The following FAT1 variants were observed in gnomAD, a reference collection of about 807,000 sequenced individuals.
FAT1 encodes FAT atypical cadherin 1.
A neutral mutation model predicts 329.8 loss-of-function variants in FAT1; 171 were observed. The observed-to-expected ratio is 0.52, with a 90% CI of 0.46 to 0.59. FAT1 has a LOEUF of 0.59. Among genes scored for constraint, FAT1 ranks in the 20% least tolerant of loss-of-function variants. The pLI is 0.00. For missense variants in FAT1, 5,672 were observed against 5,774.4 expected, an observed-to-expected ratio of 0.98 and a Z score of 0.57; for synonymous variants, 2,233 against 2,228.6, an observed-to-expected ratio of 1.00 and a Z score of -0.06.
rs188649049 is a variant in FAT1 at position 186,596,041 on chromosome 4, T to C, written c.13001-215A>G. Among the ~76,000 whole-genome samples, 2 of 152,242 alleles carry C rather than the reference T, an allele frequency of 1.3e-5. No individual in the cohort carries two copies. The highest frequency in any genetic ancestry group is 2.9e-5 in the Non-Finnish European group (2 of 68,012). On this transcript the variant is annotated intron_variant, in intron 25 of 26. Coordinates refer to ENST00000441802, the MANE Select transcript of FAT1 (RefSeq NM_005245.4). The surrounding 1 kb of genome is among the most constrained non-coding windows in gnomAD (Gnocchi z 4.7). Reference sequence around the variant, plus strand: ...TCCACATCATCTTAGAGATTATTCATAGAGTAGAAATCGCCCATAAGCATG... The same window carrying C: ...TCCACATCATCTTAGAGATTATTCACAGAGTAGAAATCGCCCATAAGCATG...
In FAT1 at chr4:186,699,184, T is replaced by C. The variant is rs1391169970; in HGVS notation, c.3265+7379A>G. Among the ~76,000 whole-genome samples the C allele has an allele frequency of 1.3e-5, 2 of 152,172 alleles. 1 individual carries two copies. Among genetic ancestry groups the C allele is most frequent in the Middle Eastern group, 6.3e-3 (2 of 316 alleles). On this transcript the variant is annotated intron_variant, in intron 2 of 26. Transcript: ENST00000441802. ...TGATGATGATTAAGAAGAAAAAGCTTACCTGTGATAAGAATATGGTTAAAT... is the reference window on the plus strand; with the variant it reads ...TGATGATGATTAAGAAGAAAAAGCTCACCTGTGATAAGAATATGGTTAAAT...
rs2126697675 is a variant in FAT1 at position 186,708,602 on chromosome 4, G to C, written c.1226C>G (p.Ala409Gly). ...AGTGTTGTAATTTAAACTGAATTTA[G>C]CTTTTCCAGGTGTACTTTTAAAAAC... is the stretch of plus-strand genomic sequence containing the variant. ...RYVFKSTPGK[A>G]KFSLNYNTGL... The change falls in exon 2 of 27, where the codon GCT (alanine) becomes GGT (glycine). Residue 409 changes from alanine (A) to glycine (G), a missense_variant. By Grantham distance (60) the Ala-to-Gly change is moderately conservative. Transcript: ENST00000441802. The C allele has an allele frequency of 6.2e-7, 1 of 1,613,966 alleles. No individual in the cohort carries two copies. The highest frequency in any genetic ancestry group is 1.6e-4 in the Middle Eastern group (1 of 6,062).
In FAT1 at chr4:186,709,710, T is replaced by C. The variant is rs1331699793; in HGVS notation, c.118A>G (p.Asn40Asp). The C allele has an allele frequency of 1.2e-6, 2 of 1,613,852 alleles. No individual in the cohort carries two copies. Among genetic ancestry groups the C allele is most frequent in the Non-Finnish European group, 1.7e-6 (2 of 1,179,884 alleles). Reference sequence around the variant, plus strand: ...GCAGAGTTCTCCTGCACGGTGACGTTGTACTCGAGGTGTGTAAACTGCAGA... The same window carrying C: ...GCAGAGTTCTCCTGCACGGTGACGTCGTACTCGAGGTGTGTAAACTGCAGA... ...TPLQFTHLEY[N>D]VTVQENSAAK... Residue 40 changes from asparagine to aspartate, a missense_variant, in exon 2 of 27, where the codon AAC (asparagine) becomes GAC (aspartate). Around this residue, in one of 2 missense-constraint regions of FAT1, gnomAD observed 3,966 missense variants for 3,915.2 expected, o/e 1.01. Coordinates refer to ENST00000441802, the MANE Select transcript of FAT1 (RefSeq NM_005245.4).
chr4:186,647,334 A>G (rs548587889), intron 3 of FAT1, among the ~76,000 whole-genome samples: 1 of 152,316 alleles, frequency 6.6e-6, no homozygotes, highest in Non-Finnish European at 1.5e-5. Flanking sequence ...GAAGGGAGCT[A>G]CCAATACACA....
chr4:186,709,328 C>T lies in FAT1; in HGVS notation c.500G>A (p.Ser167Asn), dbSNP rs2126703350. Residue 167 changes from serine to asparagine, a missense_variant, in exon 2 of 27, where the codon AGT becomes AAT. This residue lies in a region of FAT1 where 3,966 missense variants were observed against 3,915.2 expected (regional missense o/e 1.01). Transcript: ENST00000441802. ...SLPENTAIRT[S>N]IARVSATDAD... Reference sequence around the variant, plus strand: ...ATCCGTGGCGCTGACTCTTGCGATACTGGTCCTTATAGCTGTGTTTTCAGG... The same window carrying T: ...ATCCGTGGCGCTGACTCTTGCGATATTGGTCCTTATAGCTGTGTTTTCAGG... The T allele has an allele frequency of 6.2e-7, 1 of 1,613,986 alleles. No individual in the cohort carries two copies. The highest frequency in any genetic ancestry group is 2.2e-5 in the East Asian group (1 of 44,878).
rs1488477275 is a variant in FAT1, at chr4:186,709,503, T to G, written c.325A>C (p.Asn109His). 1 of 1,614,036 alleles carries G rather than the reference T, an allele frequency of 6.2e-7. No homozygotes were observed. Among genetic ancestry groups the G allele is most frequent in the Non-Finnish European group, 8.5e-7 (1 of 1,179,886 alleles). ...GTGTAGTGATCCTTCACTTCTCTATTAAGAATAGCTGTATTTCCTCCTTTG... is the reference window on the plus strand; with the variant it reads ...GTGTAGTGATCCTTCACTTCTCTATGAAGAATAGCTGTATTTCCTCCTTTG... ...RTKGGNTAILNREVKDHYTLI... is the reference protein window; with the variant it reads ...RTKGGNTAILHREVKDHYTLI... The change falls in exon 2 of 27, where the codon AAT becomes CAT. Residue 109 changes from asparagine to histidine, a missense_variant. Coordinates refer to ENST00000441802, the MANE Select transcript of FAT1 (RefSeq NM_005245.4).
intron 2 of FAT1, among the ~76,000 whole-genome samples, chr4:186,684,251 T>C (rs981453477): frequency 1.5e-4 from 23 of 152,212 alleles, no homozygotes; most frequent in Non-Finnish European, 3.1e-4. Context: ...TCTCTTGTTG[T>C]TTAATCGTCT....
At chr4:186,709,964 G>T in intron 1 of FAT1, 119 bp from the exon 2 acceptor site, 1 of 893,030 alleles carries the variant, frequency 1.1e-6, no homozygotes, top group South Asian at 2.1e-5. Context: ...ATAAATAAAT[G>T]CAACGGTTTG....
At chr4:186,700,928 G>A (rs75804365) in intron 2 of FAT1, among the ~76,000 whole-genome samples, 2,430 of 152,222 alleles carry the variant, frequency 0.016, 85 homozygotes, top group East Asian at 0.091. Context: ...CCTGTCTGAC[G>A]TAAGCTGTTT....
At chr4:186,713,686 C>T (rs978826723) in intron 1 of FAT1, among the ~76,000 whole-genome samples, 3 of 152,118 alleles carry the variant, frequency 2.0e-5, no homozygotes, top group Non-Finnish European at 4.4e-5. Context: ...GACAGAGTCT[C>T]GCTCTCTCAC....
chr4:186,724,879 G>A (rs139582615), upstream of FAT1, among the ~76,000 whole-genome samples: 296 of 152,370 alleles, frequency 1.9e-3, 1 homozygote, highest in African/African-American at 6.5e-3. This position sits in a 1 kb window ranked among gnomAD's most constrained non-coding sequence, Gnocchi z 5.3. Flanking sequence ...GACTGGTGAG[G>A]GGAGCTTGGC....
rs991643406 is a variant in FAT1, at chr4:186,610,107, T to C, written c.9854-92A>G. ...ATAGATGAATGCTTTTGAGTACATT[T>C]AGTTTTCACTTCAAAAGTTTACTTA... On this transcript the variant is annotated intron_variant, in intron 14 of 26. Coordinates refer to ENST00000441802, the MANE Select transcript of FAT1 (RefSeq NM_005245.4). 13 of 716,338 alleles carry C rather than the reference T, an allele frequency of 1.8e-5. No homozygotes were observed. In the African/African-American group the frequency reaches 2.3e-4, roughly 13 times the overall value. The allele number at this position is 716,338 out of a possible 1,614,324, so 44.4% of individuals were successfully genotyped here. A position where few individuals can be genotyped will look rare whatever the true frequency, so the allele number is the denominator to read the frequency against.
intron 2 of FAT1, among the ~76,000 whole-genome samples, chr4:186,667,085 C>G (rs972626244): frequency 1.3e-5 from 2 of 152,210 alleles, no homozygotes; most frequent in African/African-American, 4.8e-5. Flanking sequence ...CAATAGCTTT[C>G]TCTAATCTCA....
chr4:186,684,323 GCA>G (rs1164524875), intron 2 of FAT1, among the ~76,000 whole-genome samples: 1 of 152,114 alleles, frequency 6.6e-6, no homozygotes, highest in African/African-American at 2.4e-5. Context: ...AGGTCTCACT[GCA>G]CAGTTATAGG....
At chr4:186,705,003 G>C (rs1046476123) in intron 2 of FAT1, among the ~76,000 whole-genome samples, 1 of 144,034 alleles carries the variant, frequency 6.9e-6, no homozygotes, top group African/African-American at 2.7e-5. Context: ...GGAGTGCAAC[G>C]GCACAATCAC....
At chr4:186,661,983 G>A (rs981271715) in intron 3 of FAT1, among the ~76,000 whole-genome samples, 14 of 151,892 alleles carry the variant, frequency 9.2e-5, no homozygotes, top group Non-Finnish European at 1.8e-4. Context: ...CAAGGTGTCC[G>A]CTGCTTGGTG....
rs150474211 is a variant in FAT1, at chr4:186,595,321, G to C, written c.13138+368C>G. Among the ~76,000 whole-genome samples, 187 of 152,126 alleles carry C rather than the reference G, an allele frequency of 1.2e-3. 1 individual carries two copies. Among genetic ancestry groups the C allele is most frequent in the African/African-American group, 4.0e-3 (167 of 41,506 alleles). ...GGTGTGTGTGTGTGTGTGTGTGAGAGAGAGTGTGTGTTTGTGTGCGTGCTG... is the reference window on the plus strand; with the variant it reads ...GGTGTGTGTGTGTGTGTGTGTGAGACAGAGTGTGTGTTTGTGTGCGTGCTG... On this transcript the variant is annotated intron_variant, in intron 26 of 26. Transcript: ENST00000441802.
intron 3 of FAT1, among the ~76,000 whole-genome samples, chr4:186,640,462 C>A (rs79183206): frequency 0.044 from 6,625 of 152,172 alleles, 328 homozygotes; most frequent in East Asian, 0.2. Flanking sequence ...CAAGAGATAA[C>A]TGAGAGTTGA....
chr4:186,695,043 C>T (rs960698937), intron 2 of FAT1, among the ~76,000 whole-genome samples: 1 of 152,134 alleles, frequency 6.6e-6, no homozygotes, highest in East Asian at 1.9e-4. Flanking sequence ...TCCAGAAAAC[C>T]AACAGTTTCA....
Sources: gnomAD v4.1 joint callset for allele counts (sites outside exome capture counted in the v4.1 genomes callset) on GRCh38, gnomAD v4.1.1 for gene constraint, gnomAD v4.1.1 regional missense constraint, Gnocchi (gnomAD v3.1) non-coding constraint, MANE v1.5 for transcripts, NCBI Gene and HGNC (gene_info 2026-07-23, HGNC 2026-07-21) for gene names.